ERC1: variants seen among roughly 807,000 people sequenced by gnomAD.
The protein encoded by ERC1 is ELKS/RAB6-interacting/CAST family member 1, also known as RAB6 interacting protein 2.
ERC1 carries 56 observed loss-of-function variants against 132.0 expected under a neutral mutation model. The ratio of observed to expected loss-of-function variants is 0.42; its 90% CI spans 0.34 to 0.53. The LOEUF (loss-of-function observed/expected upper bound fraction) is 0.53. ERC1 is among the 20% of genes least tolerant of loss of function. ERC1 has a pLI of 0.03. For missense variants in ERC1, 1,202 were observed against 1,349.9 expected, an observed-to-expected ratio of 0.89 and a Z score of 1.72; for synonymous variants, 478 against 476.1, an observed-to-expected ratio of 1.00 and a Z score of -0.05.
At chr12:1,170,391 ATC>A (rs1952929389) in intron 8 of ERC1, among the ~76,000 whole-genome samples, 1 of 152,182 alleles carries the variant, frequency 6.6e-6, no homozygotes. Context: ...AAAATATTGG[ATC>A]TCTCATCACT....
chr12:1,445,222 A>ATTTTTTTTTTTTT (rs137864873), intron 18 of ERC1, among the ~76,000 whole-genome samples: 2 of 90,692 alleles, frequency 2.2e-5, no homozygotes, highest in Non-Finnish European at 2.0e-5. Context: ...TGTACAGTAG[A>ATTTTTTTTTTTTT]TTTTTTTTTT....
At chr12:1,180,501 A>G (rs766775843) in intron 8 of ERC1, 39 bp from the exon 9 acceptor site, 21 of 1,592,752 alleles carry the variant, frequency 1.3e-5, no homozygotes, top group South Asian at 4.4e-5. Flanking sequence ...TTTTTTATAC[A>G]TGTCCTCTCT....
At chr12:1,196,905 TACACACACACACAC>T (rs766381798) in intron 12 of ERC1, among the ~76,000 whole-genome samples, 1,003 of 57,650 alleles carry the variant, frequency 0.017, 48 homozygotes, top group African/African-American at 0.04. Context: ...TCTGTCTCTC[TACACACACACACAC>T]ACACACACAC....
chr12:1,025,616 AATGTAT>A (rs1966850635), intron 1 of ERC1, among the ~76,000 whole-genome samples: 1 of 152,104 alleles, frequency 6.6e-6, no homozygotes, highest in Admixed American at 6.5e-5. Flanking sequence ...TTATATCTTT[AATGTAT>A]ATGGAATTTA....
At chr12:1,478,513 G>A (rs771623076) in intron 18 of ERC1, among the ~76,000 whole-genome samples, 18 of 152,180 alleles carry the variant, frequency 1.2e-4, no homozygotes, top group Non-Finnish European at 2.4e-4. Flanking sequence ...CAGAAATCCG[G>A]CCGGGCGCGG....
intron 8 of ERC1, among the ~76,000 whole-genome samples, chr12:1,163,766 A>T (rs1254462543): frequency 1.3e-5 from 2 of 152,114 alleles, no homozygotes; most frequent in Non-Finnish European, 2.9e-5. Context: ...CCCAGGCTGG[A>T]GTGCAGTGGC....
intron 2 of ERC1, among the ~76,000 whole-genome samples, chr12:1,047,368 A>T (rs1592930193): frequency 6.6e-6 from 1 of 152,190 alleles, no homozygotes; most frequent in East Asian, 1.9e-4. Context: ...GGCTTTTTTA[A>T]TGTCTATATA....
chr12:1,369,447 T>C lies in ERC1; in HGVS notation c.2781-2386T>C, dbSNP rs559078030. Among the ~76,000 whole-genome samples, 4 of 152,362 alleles carry C rather than the reference T, an allele frequency of 2.6e-5. No individual in the cohort carries two copies. The South Asian group carries it at 8.3e-4, about 32-fold the overall frequency. ...CAGCAAAGGTGCTGGTATTTCAATC[T>C]AATTAGGTAGAGTAACTTATCTGTC... On this transcript the variant is annotated intron_variant, in intron 15 of 18. Transcript: ENST00000360905.
intron 14 of ERC1, among the ~76,000 whole-genome samples, chr12:1,280,356 A>G (rs866636555): frequency 4.6e-5 from 7 of 152,152 alleles, no homozygotes; most frequent in South Asian, 4.1e-4. Flanking sequence ...TTCAACAGAT[A>G]GTTTTTGTGT....
At chr12:1,458,374 G>C (rs556942960) in intron 18 of ERC1, among the ~76,000 whole-genome samples, 1 of 152,148 alleles carries the variant, frequency 6.6e-6, no homozygotes, top group Non-Finnish European at 1.5e-5. Context: ...ACCAGATATA[G>C]AAAGAGTAAA....
intron 8 of ERC1, among the ~76,000 whole-genome samples, chr12:1,158,520 C>T (rs966317372): frequency 2.0e-5 from 3 of 151,856 alleles, no homozygotes; most frequent in Admixed American, 6.6e-5. Flanking sequence ...AACCTCGCCT[C>T]CTGGGTTCAA....
chr12:1,125,276 G>A (rs1264806905), intron 7 of ERC1, among the ~76,000 whole-genome samples: 1 of 151,892 alleles, frequency 6.6e-6, no homozygotes, highest in Non-Finnish European at 1.5e-5. Context: ...TTACAGGCAT[G>A]AGCCACCGCG....
intron 12 of ERC1, among the ~76,000 whole-genome samples, chr12:1,221,461 T>C (rs2154295480): frequency 6.6e-6 from 1 of 152,296 alleles, no homozygotes; most frequent in South Asian, 2.1e-4. Context: ...ATTAAAAAAA[T>C]GTTGAATTGA....
At chr12:1,345,519 C>T (rs1002616796) in intron 15 of ERC1, among the ~76,000 whole-genome samples, 6 of 152,150 alleles carry the variant, frequency 3.9e-5, no homozygotes, top group Admixed American at 6.5e-5. Flanking sequence ...ATTCCTAAGC[C>T]ATCCTTCCAA....
intron 15 of ERC1, among the ~76,000 whole-genome samples, chr12:1,298,777 A>C (rs1325668792): frequency 6.6e-6 from 1 of 151,776 alleles, no homozygotes; most frequent in Non-Finnish European, 1.5e-5. Context: ...ATTAGAAAAA[A>C]AAAAGCAAGG....
At chr12:1,079,324 T>C (rs1180937702) in intron 2 of ERC1, among the ~76,000 whole-genome samples, 1 of 146,824 alleles carries the variant, frequency 6.8e-6, no homozygotes, top group Non-Finnish European at 1.5e-5. Context: ...TGATTTGTAA[T>C]ATGACAAAAG....
intron 13 of ERC1, among the ~76,000 whole-genome samples, chr12:1,237,959 T>G (rs2075537263): frequency 6.6e-6 from 1 of 152,220 alleles, no homozygotes; most frequent in Non-Finnish European, 1.5e-5. Context: ...TACAACAAAT[T>G]CTTTTAACAT....
In ERC1 at chr12:1,141,700, A is replaced by G; in HGVS notation, c.1650A>G (p.Glu550=). The G allele has an allele frequency of 6.2e-7, 1 of 1,613,614 alleles. No individual in the cohort carries two copies. The highest frequency in any genetic ancestry group is 1.3e-5 in the African/African-American group (1 of 75,028). ...KKTKQIQDMA[E]EKGTQAGEIH... ...CAAAACAAATTCAGGATATGGCTGA[A>G]GAGAAGGGGACACAAGCTGGAGAGA... Residue 550 remains glutamate (E), a synonymous_variant, in exon 8 of 19, where the codon GAA becomes GAG. Coordinates refer to ENST00000360905, the MANE Select transcript of ERC1 (RefSeq NM_178040.4).
At chr12:1,231,795 A>G (rs1289181526) in intron 12 of ERC1, among the ~76,000 whole-genome samples, 2 of 152,036 alleles carry the variant, frequency 1.3e-5, no homozygotes, top group African/African-American at 4.8e-5. Context: ...GCAGGAGTGC[A>G]GTGGCATGTT....
Sources: gnomAD v4.1 joint callset for allele counts (sites outside exome capture counted in the v4.1 genomes callset) on GRCh38, gnomAD v4.1.1 for gene constraint, MANE v1.5 for transcripts, NCBI Gene and HGNC (gene_info 2026-07-23, HGNC 2026-07-21) for gene names.